The following LIG1 variants were observed in gnomAD, a reference collection of about 807,000 sequenced individuals.
The protein encoded by LIG1 is ligase I, DNA, ATP-dependent.
In LIG1, 70 loss-of-function variants were observed where a neutral mutation model predicts 115.7. The observed-to-expected ratio is 0.60, with a 90% CI of 0.50 to 0.74. The LOEUF (loss-of-function observed/expected upper bound fraction) is 0.74, where lower values mean the gene tolerates loss of function less well. Among genes scored for constraint, LIG1 ranks in the 30% least tolerant of loss-of-function variants. The pLI, the probability that LIG1 is intolerant of heterozygous loss-of-function variation, is 0.00. For synonymous variants in LIG1, 487 were observed against 495.3 expected, an observed-to-expected ratio of 0.98 and a Z score of 0.22; for missense variants, 1,115 against 1,225.6, an observed-to-expected ratio of 0.91 and a Z score of 1.35.
chr19:48,124,748 C>G (rs1460048229), intron 21 of LIG1, among the ~76,000 whole-genome samples: 1 of 152,204 alleles, frequency 6.6e-6, no homozygotes, highest in Admixed American at 6.5e-5. Context: ...ACTGCAGTGG[C>G]TCATGCCTGT....
intron 9 of LIG1, among the ~76,000 whole-genome samples, chr19:48,145,226 A>G (rs190053171): frequency 6.6e-6 from 1 of 152,076 alleles, no homozygotes; most frequent in East Asian, 1.9e-4. Context: ...AGTAGCTCAC[A>G]CTGACCCCAG....
In LIG1 at chr19:48,123,228, G is replaced by A. The variant is rs369814356; in HGVS notation, c.2095C>T (p.Leu699=). The A allele has an allele frequency of 3.1e-6, 5 of 1,614,162 alleles. No individual in the cohort carries two copies. The highest frequency in any genetic ancestry group is 1.3e-5 in the African/African-American group (1 of 75,058). Residue 699 remains leucine (L), a synonymous_variant, in exon 22 of 28, where the codon CTG becomes TTG. Coordinates refer to ENST00000263274, the MANE Select transcript of LIG1 (RefSeq NM_000234.3). ...TEGEFVFATS[L]DTKDIEQIAE... ...ATCTGCTCGATGTCCTTGGTGTCCA[G>A]GGAGGTGGCGAAGACAAACTCGCCC...
chr19:48,137,155 G>T lies in LIG1; in HGVS notation c.1255-71C>A. 1.6e-6 allele frequency: 2 copies of T among 1,285,630 alleles called. No individual in the cohort carries two copies. The highest frequency in any genetic ancestry group is 2.2e-6 in the Non-Finnish European group (2 of 897,398). The allele number at this position is 1,285,630 out of a possible 1,614,324, so 79.6% of individuals were successfully genotyped here. A position where few individuals can be genotyped will look rare whatever the true frequency, so the allele number is the denominator to read the frequency against. On this transcript the variant is annotated intron_variant, in intron 13 of 27. Transcript: ENST00000263274. This position sits in a 1 kb window ranked among gnomAD's most constrained non-coding sequence, Gnocchi z 4.3. ...ACCACACCTCCACCCCACCAGCCGT[G>T]CTGCTGCCCTGCATTTTGGAATACC...
intron 7 of LIG1, 72 bp downstream of exon 7, chr19:48,151,160 A>C (rs2035449414): frequency 1.2e-6 from 1 of 854,258 alleles, no homozygotes; most frequent in Admixed American, 2.1e-5. Flanking sequence ...GTTTAAATTA[A>C]TCATCCTCCA....
chr19:48,139,696 C>T (rs78037173), intron 12 of LIG1, among the ~76,000 whole-genome samples: 1 of 152,100 alleles, frequency 6.6e-6, no homozygotes, highest in African/African-American at 2.4e-5. Flanking sequence ...ATCCTGCTGT[C>T]TCTGCCTCCA....
At position 48,165,538 on chromosome 19, in the gene LIG1, G is replaced by A. The variant is rs3730849; in HGVS notation, c.17+12C>T. On this transcript the variant is annotated intron_variant, in intron 2 of 27. Coordinates refer to ENST00000263274, the MANE Select transcript of LIG1 (RefSeq NM_000234.3). Reference sequence around the variant, plus strand: ...GAGAAGGAAAGACTCAGGGGCAAGGGAGGGTGCTCACATGATACTTCGCTG... The same window carrying A: ...GAGAAGGAAAGACTCAGGGGCAAGGAAGGGTGCTCACATGATACTTCGCTG... The A allele has an allele frequency of 0.36, 581,836 of 1,596,792 alleles. 111,129 individuals carry two copies. The highest frequency in any genetic ancestry group is 0.56 in the East Asian group (24,944 of 44,766).
chr19:48,132,137 C>T (rs1212213619), intron 18 of LIG1, among the ~76,000 whole-genome samples: 1 of 151,822 alleles, frequency 6.6e-6, no homozygotes, highest in African/African-American at 2.4e-5. Context: ...GGGGTTTCAC[C>T]ATGTTGGCCA....
intron 27 of LIG1, 37 bp downstream of exon 27, chr19:48,115,836 C>T: frequency 6.3e-7 from 1 of 1,596,190 alleles, no homozygotes; most frequent in Non-Finnish European, 8.6e-7. Context: ...TAGGGCCAAG[C>T]AGCTGGGCGG....
chr19:48,154,365 A>G (rs948893031), intron 5 of LIG1: 9 of 307,288 alleles, frequency 2.9e-5, no homozygotes, highest in Non-Finnish European at 4.5e-5. Flanking sequence ...GTGGCAGGGA[A>G]TAAACTAGCC....
At chr19:48,160,866 AGCACCACAGGCAT>A (rs924718418) in intron 4 of LIG1, among the ~76,000 whole-genome samples, 18 of 151,946 alleles carry the variant, frequency 1.2e-4, no homozygotes, top group Non-Finnish European at 1.9e-4. Flanking sequence ...TCAAGGAGAT[AGCACCACAGGCAT>A]GCACCACCAC....
At position 48,121,229 on chromosome 19, in the gene LIG1, C is replaced by T. The variant is rs1176633059; in HGVS notation, c.2326G>A (p.Gly776Arg). 9 of 1,614,016 alleles carry T rather than the reference C, an allele frequency of 5.6e-6. No homozygotes were observed. The highest frequency in any genetic ancestry group is 7.6e-6 in the Non-Finnish European group (9 of 1,179,994). Residue 776 changes from glycine to arginine, a missense_variant, in exon 24 of 28, where the codon GGG becomes AGG. Transcript: ENST00000263274. ...LGRGKRAGRY[G>R]GFLLASYDED... ...TCGTAGGAGGCCAGCAGGAAGCCCC[C>T]GTACCGGCCGGCCCGCTTCCCCCGG...
At chr19:48,165,050 G>A (rs923272414) in intron 2 of LIG1, among the ~76,000 whole-genome samples, 1 of 152,186 alleles carries the variant, frequency 6.6e-6, no homozygotes, top group African/African-American at 2.4e-5. Context: ...CACGAGGTCA[G>A]GAGTTTGAGA....
chr19:48,161,210 A>G, intron 4 of LIG1, 162 bp downstream of exon 4: 2 of 1,026,776 alleles, frequency 1.9e-6, no homozygotes, highest in Non-Finnish European at 3.0e-6. Flanking sequence ...GGCAGGGGCA[A>G]TTAGGACCAG....
intron 1 of LIG1, chr19:48,169,849 C>T (rs1236595515): frequency 5.2e-5 from 9 of 173,168 alleles, no homozygotes; most frequent in African/African-American, 1.8e-4. Context: ...CCTCCCCCTC[C>T]CAGATAGCCC....
intron 18 of LIG1, 116 bp downstream of exon 18, chr19:48,132,866 C>T (rs2034129096): frequency 5.3e-6 from 4 of 753,984 alleles, no homozygotes; most frequent in Admixed American, 1.7e-5. Context: ...GAGAGATGAG[C>T]GAGGGCTCGG....
At chr19:48,119,254 A>C in intron 24 of LIG1, 64 bp from the exon 25 acceptor site, 1 of 1,356,726 alleles carries the variant, frequency 7.4e-7, no homozygotes, top group South Asian at 1.2e-5. Context: ...TGCTCCTGCC[A>C]TCTAAAGCTG....
At chr19:48,131,940 T>C (rs2034052741) in intron 18 of LIG1, among the ~76,000 whole-genome samples, 1 of 150,678 alleles carries the variant, frequency 6.6e-6, no homozygotes, top group Non-Finnish European at 1.5e-5. Context: ...CACCCTTTTT[T>C]TTTTTTTTTT....
In LIG1 at chr19:48,123,184, C is replaced by A; in HGVS notation, c.2139G>T (p.Gln713His). The change falls in exon 22 of 28, where the codon CAG (glutamine) becomes CAT (histidine). Residue 713 changes from glutamine to histidine, a missense_variant. Coordinates refer to ENST00000263274, the MANE Select transcript of LIG1 (RefSeq NM_000234.3). ...AGTGAGCACCCTCACCTTTCACTGA[C>A]TGCTCCAGGAACTCGGCGATCTGCT... ...DIEQIAEFLE[Q>H]SVKDSCEGLM... is the part of the protein sequence containing the mutation. 6.2e-7 allele frequency: 1 copy of A among 1,614,142 alleles called. No individual in the cohort carries two copies. Among genetic ancestry groups the A allele is most frequent in the South Asian group, 1.1e-5 (1 of 91,080 alleles).
Position 48,151,215 on chromosome 19 carries a change from G to A in LIG1, c.574+17C>T. ...TCAGGAGGTGGGGCAGGGCGGAGGA[G>A]AGGACCAGAAACTCACTGGAGGTCT... On this transcript the variant is annotated intron_variant, in intron 7 of 27. Coordinates refer to ENST00000263274, the MANE Select transcript of LIG1 (RefSeq NM_000234.3). The A allele has an allele frequency of 6.5e-7, 1 of 1,542,040 alleles. No homozygotes were observed. The highest frequency in any genetic ancestry group is 9.0e-7 in the Non-Finnish European group (1 of 1,114,466).
Sources: gnomAD v4.1 joint callset for allele counts (sites outside exome capture counted in the v4.1 genomes callset) on GRCh38, gnomAD v4.1.1 for gene constraint, Gnocchi (gnomAD v3.1) non-coding constraint, MANE v1.5 for transcripts, NCBI Gene and HGNC (gene_info 2026-07-23, HGNC 2026-07-21) for gene names.